Variants in SLC36A4 observed in about 807,000 individuals in gnomAD.
The protein encoded by SLC36A4 is neutral amino acid uniporter 4.
A neutral mutation model predicts 50.5 loss-of-function variants in SLC36A4; 49 were observed. The ratio of observed to expected loss-of-function variants is 0.97; its 90% CI spans 0.77 to 1.23. The LOEUF is 1.23. SLC36A4 is among the 50% of genes most tolerant of loss of function. SLC36A4 has a pLI of 0.00. For synonymous variants in SLC36A4, 207 were observed against 206.5 expected, an observed-to-expected ratio of 1.00 and a Z score of -0.02; for missense variants, 611 against 608.4, an observed-to-expected ratio of 1.00 and a Z score of -0.05.
intron 6 of SLC36A4, among the ~76,000 whole-genome samples, chr11:93,179,361 C>T (rs1327493826): frequency 6.6e-6 from 1 of 152,104 alleles, no homozygotes; most frequent in East Asian, 1.9e-4. Flanking sequence ...GGCTTGCTGT[C>T]TAGTGGTGAA....
At chr11:93,166,093 A>G (rs1860850856) in intron 7 of SLC36A4, 77 bp from the exon 8 acceptor site, 2 of 1,323,298 alleles carry the variant, frequency 1.5e-6, no homozygotes, top group East Asian at 2.5e-5. Flanking sequence ...AAGAAAAATC[A>G]TATAATTTTG....
chr11:93,180,277 C>T, intron 6 of SLC36A4: 1 of 985,228 alleles, frequency 1.0e-6, no homozygotes. Flanking sequence ...TCTTCCAAGA[C>T]TGCAAACCAC....
At chr11:93,164,120 G>T (rs1860755302) in intron 8 of SLC36A4, among the ~76,000 whole-genome samples, 1 of 152,102 alleles carries the variant, frequency 6.6e-6, no homozygotes, top group Non-Finnish European at 1.5e-5. Flanking sequence ...CAAGATCTGG[G>T]TGTGTGCTTG....
chr11:93,180,658 A>G (rs1565233551), intron 6 of SLC36A4, 139 bp downstream of exon 6: 11 of 712,894 alleles, frequency 1.5e-5, no homozygotes, highest in Non-Finnish European at 2.6e-5. Context: ...AAAAAAGACT[A>G]AAGGAAAATT....
chr11:93,180,516 C>T (rs1353367176), intron 6 of SLC36A4, among the ~76,000 whole-genome samples: 1 of 151,986 alleles, frequency 6.6e-6, no homozygotes, highest in Non-Finnish European at 1.5e-5. Flanking sequence ...TATGTATATG[C>T]TTTTGAGATC....
intron 1 of SLC36A4, 55 bp from the exon 2 acceptor site, chr11:93,185,869 C>T: frequency 6.8e-7 from 1 of 1,479,524 alleles, no homozygotes; most frequent in African/African-American, 1.4e-5. Context: ...TTGGATAAAG[C>T]TGGTATAAAT....
chr11:93,196,967 G>A (rs537000741), intron 1 of SLC36A4, among the ~76,000 whole-genome samples: 9 of 152,124 alleles, frequency 5.9e-5, no homozygotes, highest in African/African-American at 1.9e-4. Context: ...CCATTATTAC[G>A]GCCTGAAAAC....
At chr11:93,158,888 G>T (rs1357686640) in intron 9 of SLC36A4, among the ~76,000 whole-genome samples, 2 of 151,670 alleles carry the variant, frequency 1.3e-5, no homozygotes, top group Admixed American at 1.3e-4. Context: ...TTGTTTTGAG[G>T]GTACAAAAAA....
chr11:93,160,495 C>T, intron 9 of SLC36A4: 1 of 985,336 alleles, frequency 1.0e-6, no homozygotes, highest in East Asian at 1.1e-4. Flanking sequence ...GGAATAAGGT[C>T]AGATGTAGAA....
At chr11:93,190,017 C>T (rs888628133) in intron 1 of SLC36A4, among the ~76,000 whole-genome samples, 1 of 152,180 alleles carries the variant, frequency 6.6e-6, no homozygotes, top group African/African-American at 2.4e-5. Context: ...GGACCTCCGT[C>T]ACTCTGAACA....
At chr11:93,181,620 T>G in intron 5 of SLC36A4, 71 bp downstream of exon 5, 4 of 1,112,242 alleles carry the variant, frequency 3.6e-6, no homozygotes, top group Non-Finnish European at 4.8e-6. Flanking sequence ...TTTATATATA[T>G]TGTTAGGTTA....
intron 7 of SLC36A4, chr11:93,166,488 G>T: frequency 1.2e-6 from 1 of 835,428 alleles, no homozygotes; most frequent in Non-Finnish European, 1.4e-6. Context: ...TTATAGCTCT[G>T]CTGCTGCCCA....
chr11:93,166,371 G>T, intron 7 of SLC36A4: 1 of 999,108 alleles, frequency 1.0e-6, no homozygotes. Flanking sequence ...ATATAGTCAA[G>T]TTATCAACCA....
intron 7 of SLC36A4, chr11:93,167,392 T>C (rs960612354): frequency 6.6e-6 from 1 of 152,132 alleles, no homozygotes; most frequent in Non-Finnish European, 1.5e-5. Flanking sequence ...TTAAGGGATT[T>C]GAAGAATCCC....
chr11:93,171,748 T>C (rs1861145280), intron 6 of SLC36A4: 1 of 152,100 alleles, frequency 6.6e-6, no homozygotes, highest in Non-Finnish European at 1.5e-5. Flanking sequence ...AGATGGTATG[T>C]CTTATCAGTT....
Position 93,162,635 on chromosome 11 carries a change from C to T in SLC36A4, c.1037+71G>A, listed in dbSNP as rs561988331. 5.2e-5 allele frequency: 66 copies of T among 1,261,448 alleles called. No individual in the cohort carries two copies. In the South Asian group the frequency reaches 6.1e-4, roughly 12 times the overall value. The allele number at this position is 1,261,448 out of a possible 1,614,324, so 78.1% of individuals were successfully genotyped here. A position where few individuals can be genotyped will look rare whatever the true frequency, so the allele number is the denominator to read the frequency against. Reference sequence around the variant, plus strand: ...TGTTTAAACCATAAATCCAAGAACACGACTTTATCATCAAACAGTGGTACA... The same window carrying T: ...TGTTTAAACCATAAATCCAAGAACATGACTTTATCATCAAACAGTGGTACA... On this transcript the variant is annotated intron_variant, in intron 9 of 10. Transcript: ENST00000326402.
intron 6 of SLC36A4, among the ~76,000 whole-genome samples, chr11:93,175,028 G>GT (rs1861388479): frequency 6.6e-6 from 1 of 151,856 alleles, no homozygotes; most frequent in Non-Finnish European, 1.5e-5. Flanking sequence ...AATGGTACCA[G>GT]TTCCTCCTTG....
At chr11:93,185,594 T>C (rs1202394147) in intron 2 of SLC36A4, 97 bp downstream of exon 2, 1 of 1,121,468 alleles carries the variant, frequency 8.9e-7, no homozygotes, top group Non-Finnish European at 1.2e-6. Context: ...CTTATATTTG[T>C]GTCTTGTAAT....
At chr11:93,185,366 G>A (rs907868729) in intron 2 of SLC36A4, 2 of 188,366 alleles carry the variant, frequency 1.1e-5, no homozygotes, top group African/African-American at 2.3e-5. Flanking sequence ...CTACCTCCAC[G>A]ACTTTGTTTC....
Sources: gnomAD v4.1 joint callset for allele counts (sites outside exome capture counted in the v4.1 genomes callset) on GRCh38, gnomAD v4.1.1 for gene constraint, MANE v1.5 for transcripts, NCBI Gene and HGNC (gene_info 2026-07-23, HGNC 2026-07-21) for gene names.